The following FBN1 variants were observed in gnomAD, a reference collection of about 807,000 sequenced individuals.
FBN1 encodes the protein fibrillin-1.
Under a neutral mutation model 365.1 loss-of-function variants are expected in FBN1, and 29 were observed. That is an observed-to-expected ratio of 0.08 (90% CI 0.06 to 0.11). The LOEUF (loss-of-function observed/expected upper bound fraction) is 0.11. Ranked by LOEUF, FBN1 falls within the 10% of genes least tolerant of loss-of-function variation. FBN1 has a pLI of 1.00. For missense variants in FBN1, 2,476 were observed against 3,703.2 expected (o/e 0.67, Z 8.60); for synonymous variants, 1,210 against 1,270.5 (o/e 0.95, Z 1.01).
Position 48,520,777 on chromosome 15 carries a change from C to T in FBN1, c.1029G>A (p.Gly343=), listed in dbSNP as rs75655780. 1.1e-3 allele frequency: 1,706 copies of T among 1,614,152 alleles called. 9 individuals are homozygous for T. The African/African-American group carries it at 0.021, about 20-fold the overall frequency. The change falls in exon 10 of 66, where the codon GGG becomes GGA. Residue 343 remains glycine (G), a synonymous_variant. Transcript: ENST00000316623. The stretch of plus-strand genomic sequence containing the variant: ...ACTGTGGCAGCTGGTTAGAGCAGCG[C>T]CCGTTTGTCAGAGCTGTGTAACAGT... The part of the protein sequence containing the change: ...PGYCYTALTN[G]RCSNQLPQSI...
intron 2 of FBN1, among the ~76,000 whole-genome samples, chr15:48,625,431 C>A (rs1451979043): frequency 3.9e-5 from 6 of 152,122 alleles, no homozygotes; most frequent in Admixed American, 3.9e-4. Context: ...GAGAAATGAA[C>A]ACCTTAAACT....
intron 38 of FBN1, among the ~76,000 whole-genome samples, chr15:48,466,983 C>T (rs1000862834): frequency 1.3e-5 from 2 of 152,082 alleles, no homozygotes; most frequent in Non-Finnish European, 2.9e-5. Flanking sequence ...GAGCACTCAC[C>T]CCTGTGCTGG....
At chr15:48,621,024 C>A (rs1202770136) in intron 2 of FBN1, among the ~76,000 whole-genome samples, 1 of 152,114 alleles carries the variant, frequency 6.6e-6, no homozygotes, top group African/African-American at 2.4e-5. Context: ...AAGCTAGAAC[C>A]CTTTTGGAGC....
At chr15:48,528,296 C>T (rs150659938) in intron 8 of FBN1, among the ~76,000 whole-genome samples, 5 of 152,252 alleles carry the variant, frequency 3.3e-5, no homozygotes, top group African/African-American at 1.2e-4. Flanking sequence ...ATGGGGGAAA[C>T]ATCTTTTCCA....
chr15:48,410,912 G>T lies in FBN1; in HGVS notation c.*78C>A, dbSNP rs2042855312. On this transcript the variant is annotated 3_prime_UTR_variant, in exon 66 of 66. Transcript: ENST00000316623. ...TGAAAGATTGTACCTATGATATGAT[G>T]ATTCTGATTGGGGGAAAATATAGTT... 2 of 1,327,076 alleles carry T rather than the reference G, an allele frequency of 1.5e-6. No homozygotes were observed. Among genetic ancestry groups the T allele is most frequent in the East Asian group, 2.4e-5 (1 of 41,820 alleles). 82.2% of individuals were successfully genotyped at this position (1,327,076 alleles called of 1,614,324 possible).
chr15:48,537,472 A>T, intron 7 of FBN1, 139 bp downstream of exon 7: 2 of 973,934 alleles, frequency 2.1e-6, no homozygotes, highest in Non-Finnish European at 3.2e-6. Flanking sequence ...CTAATGCCTT[A>T]GTTGGATATC....
chr15:48,584,096 AC>A (rs1235815084), intron 6 of FBN1, among the ~76,000 whole-genome samples: 2 of 152,198 alleles, frequency 1.3e-5, no homozygotes, highest in Non-Finnish European at 2.9e-5. Context: ...AACCAAGATT[AC>A]CCTCATTTTC....
chr15:48,554,715 AG>A (rs2044166669), intron 6 of FBN1, among the ~76,000 whole-genome samples: 1 of 152,218 alleles, frequency 6.6e-6, no homozygotes, highest in Non-Finnish European at 1.5e-5. Context: ...GAATTGAAAA[AG>A]TATGACAAAT....
chr15:48,550,403 G>C (rs998243805), intron 6 of FBN1, among the ~76,000 whole-genome samples: 1 of 152,044 alleles, frequency 6.6e-6, no homozygotes, highest in East Asian at 1.9e-4. Context: ...AGGGCAGCGG[G>C]GATTACAGAG....
intron 36 of FBN1, among the ~76,000 whole-genome samples, chr15:48,469,377 A>C (rs1430161757): frequency 6.6e-6 from 1 of 152,080 alleles, no homozygotes; most frequent in Non-Finnish European, 1.5e-5. Flanking sequence ...GTGTTCCCTG[A>C]GGTCGGCAAG....
At chr15:48,453,290 C>CAAAAAAAAAAAAAAAAAAAAA (rs748356141) in intron 44 of FBN1, among the ~76,000 whole-genome samples, 2 of 32,912 alleles carry the variant, frequency 6.1e-5, no homozygotes, top group Admixed American at 3.0e-4. Context: ...AAAAATAAAA[C>CAAAAAAAAAAAAAAAAAAAAA]AAACAAAAAA....
intron 7 of FBN1, 93 bp downstream of exon 7, chr15:48,537,518 C>T: frequency 6.7e-7 from 1 of 1,486,750 alleles, no homozygotes; most frequent in Non-Finnish European, 9.3e-7. Flanking sequence ...ATGTAGCTGA[C>T]ACTACTTTTC....
chr15:48,642,946 A>C (rs1015409441), intron 2 of FBN1: 1 of 152,206 alleles, frequency 6.6e-6, no homozygotes, highest in African/African-American at 2.4e-5. Flanking sequence ...TAAGCAACAA[A>C]GTAAAGCTTA....
intron 24 of FBN1, among the ~76,000 whole-genome samples, chr15:48,490,390 T>G (rs545848775): frequency 6.6e-5 from 10 of 152,218 alleles, no homozygotes; most frequent in African/African-American, 2.4e-4. Context: ...GTTTTTCTCC[T>G]GTACAGAAAT....
intron 10 of FBN1, among the ~76,000 whole-genome samples, chr15:48,517,094 G>C (rs915137970): frequency 5.3e-5 from 8 of 152,160 alleles, no homozygotes; most frequent in African/African-American, 1.9e-4. Flanking sequence ...GCCCTTGCCT[G>C]GACGGGAAAA....
chr15:48,582,364 G>A (rs966458308), intron 6 of FBN1, among the ~76,000 whole-genome samples: 1 of 152,180 alleles, frequency 6.6e-6, no homozygotes, highest in Admixed American at 6.5e-5. Context: ...CTTACAACAT[G>A]CAGTGTGATT....
intron 2 of FBN1, among the ~76,000 whole-genome samples, chr15:48,627,998 A>G (rs947082780): frequency 2.0e-5 from 3 of 152,224 alleles, no homozygotes; most frequent in South Asian, 4.1e-4. Context: ...TCTCTGTAGC[A>G]GCACCCACTG....
intron 25 of FBN1, among the ~76,000 whole-genome samples, chr15:48,488,912 A>T (rs1332941684): frequency 6.6e-6 from 1 of 152,186 alleles, no homozygotes; most frequent in Non-Finnish European, 1.5e-5. Context: ...TTCACTTAAT[A>T]CTGTTTGGTG....
chr15:48,552,888 G>A (rs887356934), intron 6 of FBN1, among the ~76,000 whole-genome samples: 2 of 152,140 alleles, frequency 1.3e-5, no homozygotes, highest in African/African-American at 4.8e-5. Context: ...ATGCAAATGA[G>A]AATTCCAGAT....
Sources: allele counts gnomAD v4.1 joint callset (sites outside exome capture counted in the v4.1 genomes callset), GRCh38; gene constraint gnomAD v4.1.1; transcripts MANE v1.5; gene names NCBI Gene and HGNC (gene_info 2026-07-23, HGNC 2026-07-21).